The following SNN variants were observed in gnomAD, a reference collection of about 807,000 sequenced individuals.
SNN encodes AG8_1.
A neutral mutation model predicts 5.3 loss-of-function variants in SNN; 5 were observed. The observed-to-expected ratio is 0.94, with a 90% CI of 0.49 to 1.97. The LOEUF is 1.97. Ranked by LOEUF, SNN falls within the 30% of genes most tolerant of loss-of-function variation. The probability of loss-of-function intolerance (pLI) is 0.01; values close to 1 mark genes in which losing one functional copy is unlikely to be tolerated. For synonymous variants in SNN, 67 were observed against 52.1 expected (o/e 1.29, Z -1.24); for missense variants, 127 against 121.6 (o/e 1.04, Z -0.21).
chr16:11,676,119 T>C lies in SNN; in HGVS notation c.60T>C (p.Ile20=), dbSNP rs915749371. Reference sequence around the variant, plus strand: ...TGGTCACAGTCATCGTCATCCTCATTGCCATCGCGGCCCTGGGGGCCTTGA... The same window carrying C: ...TGGTCACAGTCATCGTCATCCTCATCGCCATCGCGGCCCTGGGGGCCTTGA... ...TGVVTVIVIL[I]AIAALGALIL... The change falls in exon 2 of 2, where the codon ATT becomes ATC. Residue 20 remains isoleucine (I), a synonymous_variant. Transcript: ENST00000329565. 2.5e-6 allele frequency: 4 copies of C among 1,614,074 alleles called. No individual in the cohort carries two copies. Among genetic ancestry groups the C allele is most frequent in the Non-Finnish European group, 8.5e-7 (1 of 1,179,964 alleles).
rs28365827 is a variant in SNN, at chr16:11,675,868, G to A, written c.-85-107G>A. The A allele has an allele frequency of 6.5e-4, 395 of 605,706 alleles. 3 individuals are homozygous for A. In the East Asian group the frequency reaches 0.01, roughly 16 times the overall value. The allele number at this position is 605,706 out of a possible 1,614,324, so 37.5% of individuals were successfully genotyped here. ...AGCAGACGCCTTCGAACGCCGGCCA[G>A]CATGCTTTTTGTCAGGGTGAGGGTG... On this transcript the variant is annotated intron_variant, in intron 1 of 1. Coordinates refer to ENST00000329565, the MANE Select transcript of SNN (RefSeq NM_003498.6).
Position 11,676,476 on chromosome 16 carries a change from CG to C in SNN, c.*154del. 1.0e-6 allele frequency: 1 copy of C among 992,322 alleles called. No homozygotes were observed. Among genetic ancestry groups the C allele is most frequent in the Non-Finnish European group, 1.5e-6 (1 of 680,846 alleles). The allele number at this position is 992,322 out of a possible 1,614,324, so 61.5% of individuals were successfully genotyped here. A position where few individuals can be genotyped will look rare whatever the true frequency, so the allele number is the denominator to read the frequency against. ...CTTCGTCATCGCATGCACTGATGCC[CG>C]GGGACCTGGCTGTCCTGGGCTTCCC... On this transcript the variant is annotated 3_prime_UTR_variant, in exon 2 of 2. Transcript: ENST00000329565.
At position 11,671,952 on chromosome 16, in the gene SNN, C is replaced by T. The variant is rs987134472; in HGVS notation, c.-86+3412C>T. ...AGGCCTGCCCTAATCCACTGGCACT[C>T]GCCGTTCTGTCCCCACACTAGGCCT... On this transcript the variant is annotated intron_variant, in intron 1 of 1. Transcript: ENST00000329565. This position sits in a 1 kb window ranked among gnomAD's most constrained non-coding sequence, Gnocchi z 4.7. Among the ~76,000 whole-genome samples the T allele has an allele frequency of 1.1e-4, 16 of 152,308 alleles. No individual in the cohort carries two copies. The highest frequency in any genetic ancestry group is 3.4e-4 in the African/African-American group (14 of 41,572).
intron 1 of SNN, among the ~76,000 whole-genome samples, chr16:11,670,106 C>T (rs970755141): frequency 6.6e-6 from 1 of 152,166 alleles, no homozygotes; most frequent in African/African-American, 2.4e-5. Flanking sequence ...CAGCAGTGCC[C>T]TCTTCTCCCT....
At chr16:11,673,737 G>A (rs1249292982) in intron 1 of SNN, among the ~76,000 whole-genome samples, 1 of 152,204 alleles carries the variant, frequency 6.6e-6, no homozygotes, top group Non-Finnish European at 1.5e-5. Context: ...CCAGGGCCTG[G>A]TAGGAGGGTT....
Position 11,675,983 on chromosome 16 carries a change from T to C in SNN, c.-77T>C. 6 of 1,472,318 alleles carry C rather than the reference T, an allele frequency of 4.1e-6. No individual in the cohort carries two copies. In the South Asian group the frequency reaches 7.9e-5, roughly 20 times the overall value. 91.2% of individuals were successfully genotyped at this position (1,472,318 alleles called of 1,614,324 possible). A position where few individuals can be genotyped will look rare whatever the true frequency, so the allele number is the denominator to read the frequency against. On this transcript the variant is annotated 5_prime_UTR_variant, in exon 2 of 2. Transcript: ENST00000329565. ...CCTGCTTTGTCTTTCAGGACTCCCG[T>C]GTCCAGCCTGAGTTCCAGCCTCACT...
chr16:11,675,033 T>C lies in SNN; in HGVS notation c.-85-942T>C, dbSNP rs569765921. 3.3e-5 allele frequency among the ~76,000 whole-genome samples: 5 copies of C among 152,228 alleles called. No individual in the cohort carries two copies. The South Asian group carries it at 8.3e-4, about 25-fold the overall frequency. Reference sequence around the variant, plus strand: ...ACACTCTACCCTGTTGCTTCCTTGGTTGGCCTCCGTCCAAACCACACAAGG... The same window carrying C: ...ACACTCTACCCTGTTGCTTCCTTGGCTGGCCTCCGTCCAAACCACACAAGG... On this transcript the variant is annotated intron_variant, in intron 1 of 1. Transcript: ENST00000329565.
At chr16:11,669,107 G>A (rs1892903459) in intron 1 of SNN, among the ~76,000 whole-genome samples, 1 of 152,254 alleles carries the variant, frequency 6.6e-6, no homozygotes, top group East Asian at 1.9e-4. Flanking sequence ...CCCAGCTGCC[G>A]TCCCCTCTCC....
intron 1 of SNN, among the ~76,000 whole-genome samples, chr16:11,674,013 C>T (rs915538744): frequency 6.6e-6 from 1 of 152,170 alleles, no homozygotes; most frequent in African/African-American, 2.4e-5. Flanking sequence ...ACGCTGGGGG[C>T]GTTGACTTAG....
rs2050317313 is a variant in SNN at position 11,677,711 on chromosome 16, A to G, written c.*1385A>G. The G allele has an allele frequency of 6.0e-6, 1 of 166,890 alleles. No homozygotes were observed. The highest frequency in any genetic ancestry group is 1.5e-5 in the Non-Finnish European group (1 of 68,100). The allele number at this position is 166,890 out of a possible 1,614,324, so 10.3% of individuals were successfully genotyped here. Reference sequence around the variant, plus strand: ...ATTTTTAATCCCACCACAAGCACATACTAATTTTATTTATGATTCAAATGT... The same window carrying G: ...ATTTTTAATCCCACCACAAGCACATGCTAATTTTATTTATGATTCAAATGT... On this transcript the variant is annotated 3_prime_UTR_variant, in exon 2 of 2. Transcript: ENST00000329565. The surrounding 1 kb of genome is among the most constrained non-coding windows in gnomAD (Gnocchi z 4.2).
At position 11,671,130 on chromosome 16, in the gene SNN, C is replaced by T. The variant is rs1048922910; in HGVS notation, c.-86+2590C>T. 3.3e-5 allele frequency among the ~76,000 whole-genome samples: 5 copies of T among 152,104 alleles called. No individual in the cohort carries two copies. The highest frequency in any genetic ancestry group is 9.7e-5 in the African/African-American group (4 of 41,412). On this transcript the variant is annotated intron_variant, in intron 1 of 1. Transcript: ENST00000329565. This position sits in a 1 kb window ranked among gnomAD's most constrained non-coding sequence, Gnocchi z 4.7. ...TCCTTGGGACATGTGTGGGCTCTGCCGGGAGACAGAGTGTGTCCTGTGCTG... is the reference window on the plus strand; with the variant it reads ...TCCTTGGGACATGTGTGGGCTCTGCTGGGAGACAGAGTGTGTCCTGTGCTG...
At chr16:11,675,827 TG>T in intron 1 of SNN, 147 bp from the exon 2 acceptor site, 1 of 487,346 alleles carries the variant, frequency 2.1e-6, no homozygotes. Flanking sequence ...GAACAGGAGC[TG>T]GGTGAGCGTG....
chr16:11,676,358 A>G lies in SNN; in HGVS notation c.*32A>G, dbSNP rs1455820208. ...ATGCAAGGCTCCTGGTCCTGTTTGC[A>G]GCCGGCCAAGAGGCGCTGGGAGGGG... On this transcript the variant is annotated 3_prime_UTR_variant, in exon 2 of 2. Transcript: ENST00000329565. 7 of 1,598,710 alleles carry G rather than the reference A, an allele frequency of 4.4e-6. No homozygotes were observed. The highest frequency in any genetic ancestry group is 1.7e-5 in the Admixed American group (1 of 59,142).
chr16:11,672,997 C>T lies in SNN; in HGVS notation c.-85-2978C>T, dbSNP rs1331088259. ...CCCCAAACACACACACTTCCCCTTC[C>T]GAATTGATACTGACTTGTCTTCCTG... On this transcript the variant is annotated intron_variant, in intron 1 of 1. Transcript: ENST00000329565. The surrounding 1 kb of genome is among the most constrained non-coding windows in gnomAD (Gnocchi z 6.0). Among the ~76,000 whole-genome samples, 2 of 152,174 alleles carry T rather than the reference C, an allele frequency of 1.3e-5. No individual in the cohort carries two copies. The highest frequency in any genetic ancestry group is 4.8e-5 in the African/African-American group (2 of 41,426).
At chr16:11,669,558 G>A (rs913089159) in intron 1 of SNN, among the ~76,000 whole-genome samples, 3 of 152,224 alleles carry the variant, frequency 2.0e-5, no homozygotes, top group Non-Finnish European at 4.4e-5. Flanking sequence ...TGCCAAGAGG[G>A]AACAGTAATA....
rs370587612 is a variant in SNN at position 11,670,220 on chromosome 16, G to GGGC, written c.-86+1682_-86+1683insCGG. On this transcript the variant is annotated intron_variant, in intron 1 of 1. Transcript: ENST00000329565. ...TGGCACCCTTGGCAGGTGGCTTTATGGGGGGAGGCAGTACTGAAAGCCCCG... is the reference window on the plus strand; with the variant it reads ...TGGCACCCTTGGCAGGTGGCTTTATGGGCGGGGGAGGCAGTACTGAAAGCCCCG... Among the ~76,000 whole-genome samples the GGGC allele has an allele frequency of 4.7e-3, 645 of 136,076 alleles. 6 individuals carry two copies. The highest frequency in any genetic ancestry group is 0.022 in the African/African-American group (619 of 28,722). 89.3% of individuals were successfully genotyped at this position (136,076 alleles called of 152,430 possible). A position where few individuals can be genotyped will look rare whatever the true frequency, so the allele number is the denominator to read the frequency against.
Position 11,678,780 on chromosome 16 carries a change from G to A in SNN, c.*2454G>A. On this transcript the variant is annotated 3_prime_UTR_variant, in exon 2 of 2. Coordinates refer to ENST00000329565, the MANE Select transcript of SNN (RefSeq NM_003498.6). ...GCTACTTTTTTTAGCAGACACCAGA[G>A]CCACACTCAAATGGCTAAGTAGGTT... The A allele has an allele frequency of 5.1e-6, 1 of 194,762 alleles. No individual in the cohort carries two copies. Among genetic ancestry groups the A allele is most frequent in the Non-Finnish European group, 1.2e-5 (1 of 85,140 alleles). 12.1% of individuals were successfully genotyped at this position (194,762 alleles called of 1,614,324 possible).
At chr16:11,675,326 G>GCA (rs2050293364) in intron 1 of SNN, among the ~76,000 whole-genome samples, 1 of 147,046 alleles carries the variant, frequency 6.8e-6, no homozygotes, top group African/African-American at 2.5e-5. Flanking sequence ...AGAGCGCAGT[G>GCA]GTGAGATCTC....
chr16:11,670,316 G>GCTGCAAGGC lies in SNN; in HGVS notation c.-86+1777_-86+1785dup, dbSNP rs8191278. 3.9e-3 allele frequency among the ~76,000 whole-genome samples: 589 copies of GCTGCAAGGC among 152,308 alleles called. 4 individuals carry two copies. The highest frequency in any genetic ancestry group is 6.0e-3 in the Non-Finnish European group (408 of 68,026). On this transcript the variant is annotated intron_variant, in intron 1 of 1. Transcript: ENST00000329565. ...TGTCAAGGAGCCTCAGGAGGTGGCG[G>GCTGCAAGGC]CTGCAAGGCGGGGGTGTTTTGCTGG...
Sources: gnomAD v4.1 joint callset for allele counts (sites outside exome capture counted in the v4.1 genomes callset) on GRCh38, gnomAD v4.1.1 for gene constraint, Gnocchi (gnomAD v3.1) non-coding constraint, MANE v1.5 for transcripts, NCBI Gene and HGNC (gene_info 2026-07-23, HGNC 2026-07-21) for gene names.